Variants in LRFN2 observed in about 807,000 individuals in gnomAD.
LRFN2 encodes the protein leucine-rich repeat and fibronectin type-III domain-containing protein 2.
LRFN2 carries 18 observed loss-of-function variants against 37.3 expected under a neutral mutation model. That is an observed-to-expected ratio of 0.48 (90% confidence interval 0.33 to 0.72). LRFN2 has a LOEUF of 0.72. Among genes scored for constraint, LRFN2 ranks in the 30% least tolerant of loss-of-function variants. LRFN2 has a pLI of 0.02. For missense variants in LRFN2, 1,006 were observed against 1,060.7 expected, an observed-to-expected ratio of 0.95 and a Z score of 0.72; for synonymous variants, 556 against 466.6, an observed-to-expected ratio of 1.19 and a Z score of -2.47.
At chr6:40,559,246 C>G (rs73732756) in intron 1 of LRFN2, among the ~76,000 whole-genome samples, 3,152 of 152,130 alleles carry the variant, frequency 0.021, 127 homozygotes, top group African/African-American at 0.07. Flanking sequence ...GGGAAGAGCC[C>G]GGCAGTGAGC....
chr6:40,399,955 G>A (rs143915819), intron 2 of LRFN2, among the ~76,000 whole-genome samples: 166 of 151,786 alleles, frequency 1.1e-3, no homozygotes, highest in African/African-American at 3.8e-3. Context: ...CCAGCTTCTC[G>A]GAATCACTCA....
intron 1 of LRFN2, among the ~76,000 whole-genome samples, chr6:40,468,100 C>G (rs930129226): frequency 6.6e-6 from 1 of 152,124 alleles, no homozygotes; most frequent in Admixed American, 6.5e-5. Context: ...TAATTCCATA[C>G]TTGGTTATTG....
At chr6:40,534,076 G>A (rs1211393932) in intron 1 of LRFN2, among the ~76,000 whole-genome samples, 1 of 152,204 alleles carries the variant, frequency 6.6e-6, no homozygotes, top group Non-Finnish European at 1.5e-5. Flanking sequence ...TAAGTAGCTT[G>A]CCCACAGGGA....
intron 1 of LRFN2, among the ~76,000 whole-genome samples, chr6:40,471,521 C>T (rs1451558947): frequency 6.6e-6 from 1 of 152,174 alleles, no homozygotes; most frequent in Non-Finnish European, 1.5e-5. Flanking sequence ...AGCCCTAGAG[C>T]CAGCTGGCCC....
intron 1 of LRFN2, among the ~76,000 whole-genome samples, chr6:40,537,107 G>A (rs532486369): frequency 1.3e-5 from 2 of 152,310 alleles, no homozygotes; most frequent in South Asian, 4.1e-4. Context: ...CTGGTGCAGT[G>A]GTTATCCATT....
intron 2 of LRFN2, among the ~76,000 whole-genome samples, chr6:40,429,213 G>A (rs1223492017): frequency 6.6e-6 from 1 of 152,168 alleles, no homozygotes; most frequent in African/African-American, 2.4e-5. Context: ...TCAAATAAAA[G>A]TAATTTGAAT....
chr6:40,577,820 A>AGAT (rs1561914257), intron 1 of LRFN2, among the ~76,000 whole-genome samples: 1 of 141,728 alleles, frequency 7.1e-6, no homozygotes, highest in African/African-American at 2.6e-5. Flanking sequence ...AAAATTAAAA[A>AGAT]AAATAAAAAT....
At chr6:40,524,452 C>T (rs1252439276) in intron 1 of LRFN2, among the ~76,000 whole-genome samples, 1 of 151,056 alleles carries the variant, frequency 6.6e-6, no homozygotes, top group African/African-American at 2.4e-5. Flanking sequence ...CTCTCACTCA[C>T]ACACACACCC....
At chr6:40,453,306 C>T (rs1047450500) in intron 1 of LRFN2, among the ~76,000 whole-genome samples, 2 of 152,072 alleles carry the variant, frequency 1.3e-5, no homozygotes, top group Admixed American at 6.6e-5. Context: ...AATTGGCTGG[C>T]TTTGATATTC....
chr6:40,451,296 A>T lies in LRFN2; in HGVS notation c.-18-18165T>A, dbSNP rs986712842. ...AATTCCTATTCCACAAGCTGGCAAG[A>T]AGTGGGGCCTCACTGAATCTTGGAC... On this transcript the variant is annotated intron_variant, in intron 1 of 2. Coordinates refer to ENST00000338305, the MANE Select transcript of LRFN2 (RefSeq NM_020737.3). 3.9e-5 allele frequency among the ~76,000 whole-genome samples: 6 copies of T among 152,304 alleles called. No individual in the cohort carries two copies. The South Asian group carries it at 1.2e-3, about 32-fold the overall frequency.
At chr6:40,511,953 G>A (rs576020765) in intron 1 of LRFN2, among the ~76,000 whole-genome samples, 23 of 152,328 alleles carry the variant, frequency 1.5e-4, no homozygotes, top group African/African-American at 5.5e-4. Flanking sequence ...AGGAACTAGG[G>A]AAAAGAAGGC....
intron 1 of LRFN2, among the ~76,000 whole-genome samples, chr6:40,441,918 A>G: frequency 6.6e-6 from 1 of 152,220 alleles, no homozygotes; most frequent in East Asian, 1.9e-4. Context: ...CCTGGATGGA[A>G]CCTTCTCACC....
chr6:40,506,694 A>G (rs1384762519), intron 1 of LRFN2, among the ~76,000 whole-genome samples: 1 of 152,154 alleles, frequency 6.6e-6, no homozygotes, highest in East Asian at 1.9e-4. Context: ...ACCTATTGGA[A>G]GATGTCTCTT....
intron 1 of LRFN2, among the ~76,000 whole-genome samples, chr6:40,566,672 G>A (rs961272177): frequency 4.0e-5 from 6 of 151,562 alleles, no homozygotes; most frequent in African/African-American, 1.5e-4. Context: ...CTCATAGGTG[G>A]GAATTGAACA....
At chr6:40,424,879 T>G (rs1241779785) in intron 2 of LRFN2, among the ~76,000 whole-genome samples, 2 of 152,206 alleles carry the variant, frequency 1.3e-5, no homozygotes, top group Non-Finnish European at 2.9e-5. Context: ...CTTCTCCCCA[T>G]GGCCCCAGAT....
At chr6:40,482,095 G>T (rs1247453688) in intron 1 of LRFN2, among the ~76,000 whole-genome samples, 1 of 152,210 alleles carries the variant, frequency 6.6e-6, no homozygotes, top group Non-Finnish European at 1.5e-5. Context: ...TGACATGGGG[G>T]CTGGCCCTTG....
chr6:40,584,218 CCT>C (rs529339910), intron 1 of LRFN2, among the ~76,000 whole-genome samples: 431 of 152,314 alleles, frequency 2.8e-3, no homozygotes, highest in Non-Finnish European at 4.4e-3. Context: ...TCCAACCCTC[CCT>C]GTTTCCACTG....
chr6:40,533,374 A>AACACACACACACAC lies in LRFN2; in HGVS notation c.-19+53553_-19+53566dup, dbSNP rs58462773. 4.8e-3 allele frequency among the ~76,000 whole-genome samples: 681 copies of AACACACACACACAC among 143,050 alleles called. 8 individuals carry two copies. The highest frequency in any genetic ancestry group is 0.017 in the African/African-American group (639 of 38,000). The allele number at this position is 143,050 out of a possible 152,430, so 93.8% of individuals were successfully genotyped here. A position where few individuals can be genotyped will look rare whatever the true frequency, so the allele number is the denominator to read the frequency against. ...TCTACTTTACTCCTCTCTTGCTCAA[A>AACACACACACACAC]ACACACACACACACACACACACACA... On this transcript the variant is annotated intron_variant, in intron 1 of 2. Transcript: ENST00000338305.
intron 1 of LRFN2, among the ~76,000 whole-genome samples, chr6:40,583,957 C>G (rs945474929): frequency 6.6e-6 from 1 of 152,124 alleles, no homozygotes; most frequent in African/African-American, 2.4e-5. Context: ...ATGCAGAGCC[C>G]CACTTCCTGA....
Sources: allele counts gnomAD v4.1 joint callset (sites outside exome capture counted in the v4.1 genomes callset), GRCh38; gene constraint gnomAD v4.1.1; transcripts MANE v1.5; gene names NCBI Gene and HGNC (gene_info 2026-07-23, HGNC 2026-07-21).